The following UTP25 variants were observed in gnomAD, a reference collection of about 807,000 sequenced individuals.
UTP25 encodes U3 small nucleolar RNA-associated protein 25 homolog.
In UTP25, 50 loss-of-function variants were observed where a neutral mutation model predicts 78.9. That is an observed-to-expected ratio of 0.63 (90% confidence interval 0.50 to 0.80). The LOEUF is 0.80. Ranked by LOEUF, UTP25 falls within the 30% of genes least tolerant of loss-of-function variation. UTP25 has a pLI of 0.00. For synonymous variants in UTP25, 329 were observed against 336.5 expected (o/e 0.98, Z 0.24); for missense variants, 846 against 911.3 (o/e 0.93, Z 0.92).
intron 1 of UTP25, 85 bp from the exon 2 acceptor site, chr1:209,830,023 C>T (rs1196798998): frequency 1.7e-6 from 2 of 1,186,662 alleles, no homozygotes; most frequent in Non-Finnish European, 2.5e-6. Flanking sequence ...TTATATTCTG[C>T]CTTTTTCATT....
intron 7 of UTP25, among the ~76,000 whole-genome samples, chr1:209,839,373 C>G (rs1351136026): frequency 6.6e-6 from 1 of 152,146 alleles, no homozygotes; most frequent in Non-Finnish European, 1.5e-5. Flanking sequence ...ACATTTATAA[C>G]AGAAATTTAT....
intron 5 of UTP25, among the ~76,000 whole-genome samples, chr1:209,836,385 G>A (rs593543): frequency 0.38 from 57,740 of 151,760 alleles, 11,310 homozygotes; most frequent in Middle Eastern, 0.42. Flanking sequence ...TTAGTATCGA[G>A]TGTACATTGT....
chr1:209,854,571 C>T lies in UTP25; in HGVS notation c.*3124C>T, dbSNP rs1441436806. The T allele has an allele frequency of 7.9e-5, 12 of 152,240 alleles. No homozygotes were observed. The highest frequency in any genetic ancestry group is 7.9e-4 in the Admixed American group (12 of 15,284). 9.4% of individuals were successfully genotyped at this position (152,240 alleles called of 1,614,324 possible). On this transcript the variant is annotated 3_prime_UTR_variant, in exon 12 of 12. Transcript: ENST00000491415. ...GAAGGCTCTCAGCCCTGATTGTGCC[C>T]TCGTGAGGGCAAGGAGCTATGCTGC...
At chr1:209,830,233 C>A in intron 2 of UTP25, 86 bp downstream of exon 2, 1 of 1,215,354 alleles carries the variant, frequency 8.2e-7, no homozygotes. Flanking sequence ...GATTACATTT[C>A]TATTCCTTTT....
chr1:209,842,522 G>A (rs753975808), intron 9 of UTP25, 61 bp from the exon 10 acceptor site: 10 of 1,610,492 alleles, frequency 6.2e-6, no homozygotes, highest in South Asian at 2.2e-5. Context: ...AGAAGGAGGC[G>A]ATAGCTTCTG....
intron 11 of UTP25, among the ~76,000 whole-genome samples, chr1:209,850,044 A>C (rs1458902161): frequency 6.6e-6 from 1 of 152,226 alleles, no homozygotes; most frequent in African/African-American, 2.4e-5. Flanking sequence ...ACCAATTATT[A>C]AACATACACC....
In UTP25 at chr1:209,857,448, G is replaced by GGTGATC. The variant is rs1360319351; in HGVS notation, c.*6002_*6007dup. ...AACAAAAATCAAACTACATCTATTT[G>GGTGATC]GTGATCATTATTAATGTCTTATGTT... On this transcript the variant is annotated 3_prime_UTR_variant, in exon 12 of 12. Transcript: ENST00000491415. 1.3e-5 allele frequency: 2 copies of GGTGATC among 151,928 alleles called. No homozygotes were observed. Among genetic ancestry groups the GGTGATC allele is most frequent in the Non-Finnish European group, 2.9e-5 (2 of 68,012 alleles). The allele number at this position is 151,928 out of a possible 1,614,324, so 9.4% of individuals were successfully genotyped here. A position where few individuals can be genotyped will look rare whatever the true frequency, so the allele number is the denominator to read the frequency against.
At chr1:209,849,743 GC>G (rs960906172) in intron 11 of UTP25, among the ~76,000 whole-genome samples, 1 of 152,192 alleles carries the variant, frequency 6.6e-6, no homozygotes, top group Non-Finnish European at 1.5e-5. Flanking sequence ...CTGAAGTCAG[GC>G]AAGCCTATTC....
chr1:209,850,757 G>A (rs1349534619), intron 11 of UTP25, among the ~76,000 whole-genome samples: 5 of 152,220 alleles, frequency 3.3e-5, no homozygotes, highest in Non-Finnish European at 7.3e-5. Context: ...GGCAAGAAAA[G>A]ACTAATGGGA....
chr1:209,853,568 G>A lies in UTP25; in HGVS notation c.*2121G>A, dbSNP rs959449898. 4 of 152,234 alleles carry A rather than the reference G, an allele frequency of 2.6e-5. No homozygotes were observed. Among genetic ancestry groups the A allele is most frequent in the African/African-American group, 9.7e-5 (4 of 41,436 alleles). The allele number at this position is 152,234 out of a possible 1,614,324, so 9.4% of individuals were successfully genotyped here. A position where few individuals can be genotyped will look rare whatever the true frequency, so the allele number is the denominator to read the frequency against. On this transcript the variant is annotated 3_prime_UTR_variant, in exon 12 of 12. Coordinates refer to ENST00000491415, the MANE Select transcript of UTP25 (RefSeq NM_014388.7). The stretch of plus-strand genomic sequence containing the variant: ...AGATGGGGTTTTGCCATGTTGGCCA[G>A]GCTGGTCTCAAACTCTTGACCTCAA...
chr1:209,833,541 G>A (rs2078115376), intron 4 of UTP25, among the ~76,000 whole-genome samples, 183 bp downstream of exon 4: 1 of 152,110 alleles, frequency 6.6e-6, no homozygotes. Flanking sequence ...GGGTTGGACG[G>A]GACATTTAGG....
At position 209,842,323 on chromosome 1, in the gene UTP25, G is replaced by C; in HGVS notation, c.1544G>C (p.Arg515Pro). The change falls in exon 9 of 12, where the codon CGA (arginine) becomes CCA (proline). Residue 515 changes from arginine (R) to proline (P), a missense_variant. Arg to Pro is a moderately radical substitution (Grantham distance 103). Coordinates refer to ENST00000491415, the MANE Select transcript of UTP25 (RefSeq NM_014388.7). ...PLDSHGVDFS[R>P]VRMWSLNNWS... ...GACTCACATGGGGTAGACTTTTCTCGAGTGCGGATGTGGAGCCTCAATAAT... is the reference window on the plus strand; with the variant it reads ...GACTCACATGGGGTAGACTTTTCTCCAGTGCGGATGTGGAGCCTCAATAAT... The C allele has an allele frequency of 6.2e-7, 1 of 1,614,070 alleles. No individual in the cohort carries two copies.
At position 209,853,185 on chromosome 1, in the gene UTP25, A is replaced by T. The variant is rs1369062666; in HGVS notation, c.*1738A>T. The T allele has an allele frequency of 6.6e-6, 1 of 152,216 alleles. No homozygotes were observed. Among genetic ancestry groups the T allele is most frequent in the Non-Finnish European group, 1.5e-5 (1 of 68,044 alleles). 9.4% of individuals were successfully genotyped at this position (152,216 alleles called of 1,614,324 possible). On this transcript the variant is annotated 3_prime_UTR_variant, in exon 12 of 12. Coordinates refer to ENST00000491415, the MANE Select transcript of UTP25 (RefSeq NM_014388.7). Reference sequence around the variant, plus strand: ...TAAATTTCAGAAAATTTAGTTAGATAAAAGCCGACCGAACCCATGCTACAA... The same window carrying T: ...TAAATTTCAGAAAATTTAGTTAGATTAAAGCCGACCGAACCCATGCTACAA...
chr1:209,830,543 A>G (rs1242166774), intron 2 of UTP25, among the ~76,000 whole-genome samples: 1 of 151,424 alleles, frequency 6.6e-6, no homozygotes, highest in Non-Finnish European at 1.5e-5. Flanking sequence ...GTTGTTTTGT[A>G]ATTATCCTGT....
intron 10 of UTP25, 144 bp downstream of exon 10, chr1:209,842,839 C>T: frequency 1.5e-6 from 1 of 646,822 alleles, no homozygotes. Context: ...TGTCATTTGT[C>T]AGAGGAGGAA....
rs913472562 is a variant in UTP25 at position 209,856,456 on chromosome 1, G to C, written c.*5009G>C. The C allele has an allele frequency of 6.6e-6, 1 of 152,262 alleles. No homozygotes were observed. The highest frequency in any genetic ancestry group is 2.4e-5 in the African/African-American group (1 of 41,442). The allele number at this position is 152,262 out of a possible 1,614,324, so 9.4% of individuals were successfully genotyped here. ...TTCCCTTTTTCCTGCCTGGAACGCA[G>C]AAGTGATGGCTGAAGCTCCTGAGGC... is the stretch of plus-strand genomic sequence containing the variant. On this transcript the variant is annotated 3_prime_UTR_variant, in exon 12 of 12. Coordinates refer to ENST00000491415, the MANE Select transcript of UTP25 (RefSeq NM_014388.7).
Position 209,836,810 on chromosome 1 carries a change from C to T in UTP25, c.661C>T (p.Leu221=). 3.7e-6 allele frequency: 6 copies of T among 1,604,488 alleles called. No individual in the cohort carries two copies. Among genetic ancestry groups the T allele is most frequent in the Non-Finnish European group, 5.1e-6 (6 of 1,176,200 alleles). ...KTTHELKWPI[L]GQLFFSSKFQ... ...TCTGTTTCTCCCCTAGTGGCCTATT[C>T]TGGGCCAGCTTTTCTTTTCCTCTAA... Residue 221 remains leucine (L), a synonymous_variant, in exon 6 of 12, where the codon CTG becomes TTG. Coordinates refer to ENST00000491415, the MANE Select transcript of UTP25 (RefSeq NM_014388.7).
intron 6 of UTP25, among the ~76,000 whole-genome samples, chr1:209,837,887 A>C (rs1421219272): frequency 6.6e-6 from 1 of 152,226 alleles, no homozygotes; most frequent in African/African-American, 2.4e-5. Flanking sequence ...CTCCGTATTG[A>C]AGAAGCCTCA....
chr1:209,850,319 A>G (rs940401506), intron 11 of UTP25, among the ~76,000 whole-genome samples: 5 of 152,200 alleles, frequency 3.3e-5, no homozygotes, highest in African/African-American at 1.2e-4. Context: ...TGAACCACAT[A>G]ATAGATCACA....
Sources: allele counts gnomAD v4.1 joint callset (sites outside exome capture counted in the v4.1 genomes callset), GRCh38; gene constraint gnomAD v4.1.1; transcripts MANE v1.5; gene names NCBI Gene and HGNC (gene_info 2026-07-23, HGNC 2026-07-21).